FTO: variants seen among roughly 807,000 people sequenced by gnomAD.
FTO encodes FTO alpha-ketoglutarate dependent dioxygenase.
FTO carries 47 observed loss-of-function variants against 63.9 expected under a neutral mutation model. That is an observed-to-expected ratio of 0.74 (90% CI 0.58 to 0.94). The LOEUF is 0.94. Among genes scored for constraint, FTO ranks in the 40% least tolerant of loss-of-function variants. The pLI, the probability that FTO is intolerant of heterozygous loss-of-function variation, is 0.00. For missense variants in FTO, 562 were observed against 618.1 expected (o/e 0.91, Z 0.96); for synonymous variants, 207 against 224.4 (o/e 0.92, Z 0.69).
intron 8 of FTO, chr16:53,993,272 A>T (rs1264131791): frequency 1.3e-5 from 2 of 152,234 alleles, no homozygotes; most frequent in Admixed American, 1.3e-4. Context: ...GACACATTTT[A>T]TTATATTCCT....
intron 8 of FTO, among the ~76,000 whole-genome samples, chr16:53,936,451 A>G (rs576410980): frequency 6.7e-4 from 102 of 152,280 alleles, no homozygotes; most frequent in Middle Eastern, 3.4e-3. Flanking sequence ...GTATAAACAG[A>G]CGGTTACCAT....
At chr16:53,851,188 C>T (rs2079782782) in intron 4 of FTO, among the ~76,000 whole-genome samples, 2 of 151,574 alleles carry the variant, frequency 1.3e-5, no homozygotes, top group African/African-American at 4.9e-5. Context: ...TGGCTCACGC[C>T]TGTAATCCCA....
intron 7 of FTO, among the ~76,000 whole-genome samples, chr16:53,917,898 C>T (rs900564820): frequency 1.3e-5 from 2 of 152,016 alleles, no homozygotes; most frequent in Admixed American, 6.5e-5. Flanking sequence ...CAACTCTGCC[C>T]GTGTGATTTT....
At chr16:53,975,976 C>T (rs1429614299) in intron 8 of FTO, among the ~76,000 whole-genome samples, 1 of 152,120 alleles carries the variant, frequency 6.6e-6, no homozygotes, top group Non-Finnish European at 1.5e-5. Context: ...CAGCCTGCCA[C>T]CAGAGTCTTT....
chr16:53,892,339 T>G (rs765209225), intron 7 of FTO, among the ~76,000 whole-genome samples: 4 of 152,128 alleles, frequency 2.6e-5, no homozygotes, highest in Non-Finnish European at 5.9e-5. Context: ...TACCATTAAC[T>G]GTCAAGAATT....
chr16:54,106,807 A>G (rs2086764417), intron 8 of FTO, among the ~76,000 whole-genome samples: 1 of 136,584 alleles, frequency 7.3e-6, no homozygotes, highest in African/African-American at 2.6e-5. Flanking sequence ...ATAATTACAT[A>G]TTATATATAC....
At chr16:54,028,081 G>A (rs781768609) in intron 8 of FTO, among the ~76,000 whole-genome samples, 6 of 152,040 alleles carry the variant, frequency 3.9e-5, no homozygotes, top group Non-Finnish European at 8.8e-5. Flanking sequence ...TATCTTATCT[G>A]TCAGCAGCAC....
chr16:53,770,445 T>C (rs1270970964), intron 1 of FTO, among the ~76,000 whole-genome samples: 1 of 152,200 alleles, frequency 6.6e-6, no homozygotes, highest in Non-Finnish European at 1.5e-5. Context: ...GAGAAACCTT[T>C]TAATGTGAAA....
chr16:53,960,909 TATG>T (rs2083064021), intron 8 of FTO, among the ~76,000 whole-genome samples: 1 of 152,132 alleles, frequency 6.6e-6, no homozygotes, highest in African/African-American at 2.4e-5. Flanking sequence ...CTAAAGGAAA[TATG>T]ATCAGAAACA....
intron 8 of FTO, among the ~76,000 whole-genome samples, chr16:53,975,941 T>G (rs1169912690): frequency 1.3e-5 from 2 of 152,140 alleles, no homozygotes; most frequent in African/African-American, 4.8e-5. Flanking sequence ...AGGCACAGAT[T>G]GATTAAGTAA....
chr16:53,993,874 T>G (rs2083871803), intron 8 of FTO: 1 of 152,226 alleles, frequency 6.6e-6, no homozygotes, highest in African/African-American at 2.4e-5. Context: ...ACGGGATATA[T>G]CCCTAACCTG....
chr16:53,948,191 T>C (rs1481925087), intron 8 of FTO, among the ~76,000 whole-genome samples: 1 of 152,156 alleles, frequency 6.6e-6, no homozygotes, highest in Non-Finnish European at 1.5e-5. Context: ...ACTGCGGCTG[T>C]ATAAGAGACC....
At chr16:53,764,652 CTT>C (rs985414416) in intron 1 of FTO, among the ~76,000 whole-genome samples, 21 of 151,092 alleles carry the variant, frequency 1.4e-4, no homozygotes, top group African/African-American at 4.6e-4. Context: ...GAACATCTCT[CTT>C]TTAAAAAATG....
At chr16:53,737,263 A>G (rs562090610) in intron 1 of FTO, among the ~76,000 whole-genome samples, 117 of 152,340 alleles carry the variant, frequency 7.7e-4, no homozygotes, top group African/African-American at 2.8e-3. Context: ...ATATATCTCT[A>G]TATACATACA....
At chr16:53,921,341 G>T (rs1057294967) in intron 7 of FTO, among the ~76,000 whole-genome samples, 1 of 152,222 alleles carries the variant, frequency 6.6e-6, no homozygotes, top group Non-Finnish European at 1.5e-5. Flanking sequence ...GGGAAGGAGA[G>T]AATTGATCTG....
chr16:54,060,599 T>C (rs1358900927), intron 8 of FTO, among the ~76,000 whole-genome samples: 1 of 152,200 alleles, frequency 6.6e-6, no homozygotes, highest in African/African-American at 2.4e-5. Flanking sequence ...CACTATTCTA[T>C]AGACACAAAG....
chr16:54,075,280 ATAT>A, intron 8 of FTO, among the ~76,000 whole-genome samples: 1 of 152,312 alleles, frequency 6.6e-6, no homozygotes, highest in African/African-American at 2.4e-5. Flanking sequence ...GGTAATGGCA[ATAT>A]TATTAACGTA....
At chr16:53,968,591 C>T (rs1396291211) in intron 8 of FTO, among the ~76,000 whole-genome samples, 4 of 152,206 alleles carry the variant, frequency 2.6e-5, no homozygotes, top group Admixed American at 2.6e-4. Flanking sequence ...TAGACATTAA[C>T]ACTCTCGGAC....
intron 8 of FTO, among the ~76,000 whole-genome samples, chr16:54,059,666 G>A (rs188349065): frequency 1.4e-4 from 22 of 152,274 alleles, no homozygotes; most frequent in Admixed American, 9.2e-4. Context: ...GGAGTTGGCC[G>A]TTTCGAAGAT....
Sources: allele counts gnomAD v4.1 joint callset (sites outside exome capture counted in the v4.1 genomes callset), GRCh38; gene constraint gnomAD v4.1.1; transcripts MANE v1.5; gene names NCBI Gene and HGNC (gene_info 2026-07-23, HGNC 2026-07-21).